CSNK2A2IP: variants seen among roughly 807,000 people sequenced by gnomAD.
The protein encoded by CSNK2A2IP is casein kinase II subunit alpha'-interacting protein.
At chr3:88,452,074 G>C in the CSNK2A2IP span, among the ~76,000 whole-genome samples, 224 of 152,194 alleles carry the variant, frequency 1.5e-3, 5 homozygotes, top group Middle Eastern at 6.8e-3. Flanking sequence ...GATACTGTGA[G>C]AGGAAAGAAT....
chr3:88,415,551 A>C, the CSNK2A2IP span, among the ~76,000 whole-genome samples: 15 of 151,860 alleles, frequency 9.9e-5, no homozygotes, highest in African/African-American at 3.6e-4. Context: ...GAGAATAATA[A>C]CACCTAAATA....
chr3:88,467,397 G>A, the CSNK2A2IP span: 1 of 398,572 alleles, frequency 2.5e-6, no homozygotes, highest in Non-Finnish European at 4.4e-6. Context: ...TGCCTGCAGG[G>A]GTCTCCTGGC....
At chr3:88,374,590 T>C in the CSNK2A2IP span, among the ~76,000 whole-genome samples, 1 of 151,672 alleles carries the variant, frequency 6.6e-6, no homozygotes, top group Non-Finnish European at 1.5e-5. Flanking sequence ...CTAATGAAAA[T>C]TGTAAAAACA....
chr3:88,446,961 T>C, the CSNK2A2IP span, among the ~76,000 whole-genome samples: 1 of 152,202 alleles, frequency 6.6e-6, no homozygotes, highest in Non-Finnish European at 1.5e-5. Flanking sequence ...CTGTATATGT[T>C]CTCACACACA....
chr3:88,448,763 C>G, the CSNK2A2IP span, among the ~76,000 whole-genome samples: 2 of 152,270 alleles, frequency 1.3e-5, no homozygotes, highest in South Asian at 4.2e-4. Context: ...GTCATTGTGG[C>G]AAGTCTGAGG....
At chr3:88,446,168 C>T in the CSNK2A2IP span, among the ~76,000 whole-genome samples, 2 of 150,716 alleles carry the variant, frequency 1.3e-5, no homozygotes, top group East Asian at 4.0e-4. Flanking sequence ...AGTGCAATGG[C>T]ACGATCTTGG....
the CSNK2A2IP span, among the ~76,000 whole-genome samples, chr3:88,423,617 T>C: frequency 6.6e-6 from 1 of 152,092 alleles, no homozygotes; most frequent in African/African-American, 2.4e-5. Context: ...GAAAACCTGA[T>C]CAAGTTTCCA....
At chr3:88,395,158 T>C in the CSNK2A2IP span, among the ~76,000 whole-genome samples, 1 of 152,238 alleles carries the variant, frequency 6.6e-6, no homozygotes. Flanking sequence ...TTTCTCCTAG[T>C]TTTTGTTAAT....
chr3:88,390,855 G>A, the CSNK2A2IP span, among the ~76,000 whole-genome samples: 58,279 of 151,996 alleles, frequency 0.38, 14,182 homozygotes, highest in South Asian at 0.6. Flanking sequence ...GAAGAAATCT[G>A]ATGACTATAT....
the CSNK2A2IP span, among the ~76,000 whole-genome samples, chr3:88,426,891 G>T: frequency 1.7e-5 from 2 of 119,810 alleles, no homozygotes; most frequent in Non-Finnish European, 3.5e-5. Context: ...ACGGGGGATG[G>T]GGGGGGGCGG....
the CSNK2A2IP span, among the ~76,000 whole-genome samples, chr3:88,436,029 G>T: frequency 6.6e-6 from 1 of 151,820 alleles, no homozygotes; most frequent in South Asian, 2.1e-4. Context: ...GCAGAGAAGA[G>T]AAGGGAAGAG....
At chr3:88,349,796 A>AT in the CSNK2A2IP span, among the ~76,000 whole-genome samples, 24 of 151,984 alleles carry the variant, frequency 1.6e-4, no homozygotes, top group African/African-American at 5.3e-4. Context: ...GCCAACATCT[A>AT]TTTTTTTGTG....
chr3:88,466,603 T>C, the CSNK2A2IP span: 1 of 1,231,582 alleles, frequency 8.1e-7, no homozygotes, highest in Non-Finnish European at 1.0e-6. Context: ...GACTTTAAAG[T>C]ATAGTCAGCC....
At chr3:88,446,117 T>TC in the CSNK2A2IP span, among the ~76,000 whole-genome samples, 1 of 147,324 alleles carries the variant, frequency 6.8e-6, no homozygotes, top group African/African-American at 2.6e-5. Context: ...TTTCTTTCTT[T>TC]TTTTTCTTTC....
chr3:88,440,302 T>A, the CSNK2A2IP span, among the ~76,000 whole-genome samples: 1 of 152,220 alleles, frequency 6.6e-6, no homozygotes, highest in African/African-American at 2.4e-5. Flanking sequence ...AGTTGAGTTT[T>A]TTTTAGATTA....
At chr3:88,346,549 C>G in the CSNK2A2IP span, among the ~76,000 whole-genome samples, 2 of 152,040 alleles carry the variant, frequency 1.3e-5, no homozygotes, top group African/African-American at 4.8e-5. Flanking sequence ...GCTAAATTTA[C>G]TCTTCCTGTG....
the CSNK2A2IP span, among the ~76,000 whole-genome samples, chr3:88,374,619 T>C: frequency 1.3e-5 from 2 of 151,700 alleles, no homozygotes; most frequent in Non-Finnish European, 3.0e-5. Flanking sequence ...AAACGTACTT[T>C]TATTGCAATT....
At chr3:88,465,688 T>C in the CSNK2A2IP span, 17 of 1,231,582 alleles carry the variant, frequency 1.4e-5, no homozygotes, top group African/African-American at 6.2e-5. Flanking sequence ...GAGAAGTTCA[T>C]TGTGGCCTGC....
the CSNK2A2IP span, among the ~76,000 whole-genome samples, chr3:88,404,311 C>T: frequency 5.9e-5 from 9 of 152,084 alleles, no homozygotes; most frequent in African/African-American, 1.7e-4. Context: ...CTGTGCCAAC[C>T]CCGCAAAATA....
Sources: gnomAD v4.1 joint callset for allele counts (sites outside exome capture counted in the v4.1 genomes callset) on GRCh38, gnomAD v4.1.1 for gene constraint, MANE v1.5 for transcripts, NCBI Gene and HGNC (gene_info 2026-07-23, HGNC 2026-07-21) for gene names.